ERC1: variants seen among roughly 807,000 people sequenced by gnomAD.
ERC1 encodes RAB6 interacting protein 2.
ERC1 carries 56 observed loss-of-function variants against 132.0 expected under a neutral mutation model. The observed-to-expected ratio is 0.42, with a 90% CI of 0.34 to 0.53. ERC1 has a LOEUF of 0.53. ERC1 is among the 20% of genes least tolerant of loss of function. ERC1 has a pLI of 0.03. For missense variants in ERC1, 1,202 were observed against 1,349.9 expected, an observed-to-expected ratio of 0.89 and a Z score of 1.72; for synonymous variants, 478 against 476.1, an observed-to-expected ratio of 1.00 and a Z score of -0.05.
chr12:1,315,338 GT>G lies in ERC1; in HGVS notation c.2780+25333del, dbSNP rs377130345. Reference sequence around the variant, plus strand: ...AGCCCATATTCAGAAGTTTTCTACAGTTTTTTTGTTTTGTTTTGTTTTGTTT... The same window carrying G: ...AGCCCATATTCAGAAGTTTTCTACAGTTTTTTGTTTTGTTTTGTTTTGTTT... On this transcript the variant is annotated intron_variant, in intron 15 of 18. Transcript: ENST00000360905. Among the ~76,000 whole-genome samples, 468 of 150,760 alleles carry G rather than the reference GT, an allele frequency of 3.1e-3. 2 individuals are homozygous for G. Among genetic ancestry groups the G allele is most frequent in the Non-Finnish European group, 4.7e-3 (322 of 67,882 alleles).
chr12:1,154,371 AC>A (rs1951168002), intron 8 of ERC1, among the ~76,000 whole-genome samples: 1 of 151,430 alleles, frequency 6.6e-6, no homozygotes, highest in South Asian at 2.1e-4. Context: ...ACACACACAC[AC>A]ACACACACAC....
chr12:1,433,078 G>A (rs1592022319), intron 17 of ERC1, among the ~76,000 whole-genome samples: 6 of 152,190 alleles, frequency 3.9e-5, no homozygotes, highest in Admixed American at 3.9e-4. Flanking sequence ...GTGTAGTACT[G>A]TAAGGTGCTG....
chr12:1,075,459 G>A (rs933191348), intron 2 of ERC1, among the ~76,000 whole-genome samples: 2 of 152,176 alleles, frequency 1.3e-5, no homozygotes, highest in Admixed American at 6.5e-5. Flanking sequence ...TTGGGAGGCC[G>A]AGGCTGGTGG....
At chr12:1,292,738 C>T (rs552825157) in intron 15 of ERC1, among the ~76,000 whole-genome samples, 7 of 152,302 alleles carry the variant, frequency 4.6e-5, no homozygotes, top group Admixed American at 6.5e-5. Context: ...AGGCCGGGCA[C>T]GGTGGTTCAC....
chr12:1,155,006 C>G (rs1299985518), intron 8 of ERC1, among the ~76,000 whole-genome samples: 1 of 152,084 alleles, frequency 6.6e-6, no homozygotes, highest in African/African-American at 2.4e-5. Context: ...GGATATTTTT[C>G]AAAGAACTAA....
chr12:1,196,905 TACACACACA>T (rs1956331440), intron 12 of ERC1, among the ~76,000 whole-genome samples: 1 of 57,718 alleles, frequency 1.7e-5, no homozygotes. Context: ...TCTGTCTCTC[TACACACACA>T]CACACACACA....
At chr12:1,255,416 G>A (rs868564281) in intron 13 of ERC1, among the ~76,000 whole-genome samples, 2 of 152,074 alleles carry the variant, frequency 1.3e-5, no homozygotes, top group African/African-American at 4.8e-5. Flanking sequence ...TCGTGTGCAT[G>A]TATCTTTATT....
At chr12:1,329,495 GT>G (rs2154357316) in intron 15 of ERC1, among the ~76,000 whole-genome samples, 1 of 151,286 alleles carries the variant, frequency 6.6e-6, no homozygotes, top group Non-Finnish European at 1.5e-5. Flanking sequence ...ATTGTTTTAC[GT>G]TTTCCATGTA....
At chr12:1,308,081 A>C (rs2081014241) in intron 15 of ERC1, among the ~76,000 whole-genome samples, 1 of 152,224 alleles carries the variant, frequency 6.6e-6, no homozygotes, top group Non-Finnish European at 1.5e-5. Flanking sequence ...GAAAACTAGT[A>C]GTGTAGCTCT....
intron 1 of ERC1, among the ~76,000 whole-genome samples, chr12:1,008,912 C>T (rs1036371267): frequency 6.6e-6 from 1 of 152,150 alleles, no homozygotes; most frequent in African/African-American, 2.4e-5. Context: ...CTGCATATGG[C>T]TAGTGGCTAC....
intron 12 of ERC1, among the ~76,000 whole-genome samples, chr12:1,211,299 C>T (rs758009420): frequency 7.2e-5 from 11 of 152,026 alleles, no homozygotes; most frequent in Non-Finnish European, 1.2e-4. Context: ...CAGGCGTGCA[C>T]CCCCATGCCC....
chr12:1,285,837 A>G (rs1460705266), intron 14 of ERC1, among the ~76,000 whole-genome samples: 1 of 152,232 alleles, frequency 6.6e-6, no homozygotes, highest in Non-Finnish European at 1.5e-5. Flanking sequence ...ACAAGTTAAT[A>G]CAGGAAAAGA....
chr12:1,056,020 T>C (rs749072400), intron 2 of ERC1, among the ~76,000 whole-genome samples: 7 of 149,478 alleles, frequency 4.7e-5, no homozygotes, highest in Non-Finnish European at 8.9e-5. Context: ...AAAATAAAAA[T>C]AGAACATGGT....
intron 15 of ERC1, among the ~76,000 whole-genome samples, chr12:1,307,682 C>G (rs572173826): frequency 6.6e-6 from 1 of 152,270 alleles, no homozygotes; most frequent in African/African-American, 2.4e-5. Context: ...TTGATGATTC[C>G]TTTTTGCTAC....
chr12:1,140,842 A>G (rs1949796652), intron 7 of ERC1, among the ~76,000 whole-genome samples: 2 of 152,190 alleles, frequency 1.3e-5, no homozygotes, highest in South Asian at 2.1e-4. Flanking sequence ...AATATAAAAT[A>G]GCTCATTAAT....
At chr12:1,221,620 A>C (rs111597082) in intron 12 of ERC1, among the ~76,000 whole-genome samples, 280 of 152,272 alleles carry the variant, frequency 1.8e-3, no homozygotes, top group African/African-American at 6.4e-3. Flanking sequence ...TGAAAATAAA[A>C]CCCATATTTA....
At chr12:1,404,384 CAAAAAAA>C (rs35010065) in intron 16 of ERC1, among the ~76,000 whole-genome samples, 1 of 124,138 alleles carries the variant, frequency 8.1e-6, no homozygotes, top group South Asian at 2.6e-4. Flanking sequence ...CTACTGTTTG[CAAAAAAA>C]AAAAAAAGTA....
At chr12:1,232,694 T>G (rs1462519529) in intron 12 of ERC1, among the ~76,000 whole-genome samples, 1 of 152,100 alleles carries the variant, frequency 6.6e-6, no homozygotes, top group Non-Finnish European at 1.5e-5. Context: ...GTTTTGTTCA[T>G]GTATTGTTTT....
At chr12:1,305,418 G>T (rs2080803785) in intron 15 of ERC1, among the ~76,000 whole-genome samples, 1 of 152,062 alleles carries the variant, frequency 6.6e-6, no homozygotes, top group East Asian at 1.9e-4. Flanking sequence ...TTAACTTTAT[G>T]CAGAAAGGTT....
Sources: allele counts gnomAD v4.1 joint callset (sites outside exome capture counted in the v4.1 genomes callset), GRCh38; gene constraint gnomAD v4.1.1; transcripts MANE v1.5; gene names NCBI Gene and HGNC (gene_info 2026-07-23, HGNC 2026-07-21).